Variants in MXRA7 observed in about 807,000 individuals in gnomAD.
MXRA7 encodes matrix remodeling associated 7, also known as matrix-remodeling-associated protein 7.
MXRA7 carries 18 observed loss-of-function variants against 17.4 expected under a neutral mutation model. The ratio of observed to expected loss-of-function variants is 1.03; its 90% CI spans 0.71 to 1.53. The LOEUF is 1.53. MXRA7 is among the 40% of genes most tolerant of loss of function. MXRA7 has a pLI of 0.00. For synonymous variants in MXRA7, 70 were observed against 101.7 expected, an observed-to-expected ratio of 0.69 and a Z score of 1.87; for missense variants, 141 against 209.3, an observed-to-expected ratio of 0.67 and a Z score of 2.01.
downstream of MXRA7, chr17:76,677,651 CTTG>C (rs1317478485): frequency 1.2e-6 from 2 of 1,613,950 alleles, no homozygotes; most frequent in South Asian, 1.1e-5. Flanking sequence ...CAAACGTCTC[CTTG>C]TTGTCTTTCA....
chr17:76,682,624 C>T (rs954900784), intron 3 of MXRA7, among the ~76,000 whole-genome samples: 3 of 152,026 alleles, frequency 2.0e-5, no homozygotes, highest in African/African-American at 2.4e-5. Context: ...TGTGGAGCCG[C>T]GGAGACCCCA....
At position 76,681,600 on chromosome 17, in the gene MXRA7, T is replaced by C. The variant is rs1358867061; in HGVS notation, c.501-721A>G. Among the ~76,000 whole-genome samples the C allele has an allele frequency of 6.6e-6, 1 of 152,172 alleles. No individual in the cohort carries two copies. The highest frequency in any genetic ancestry group is 1.5e-5 in the Non-Finnish European group (1 of 68,026). On this transcript the variant is annotated intron_variant, in intron 3 of 3. Transcript: ENST00000449428. This position sits in a 1 kb window ranked among gnomAD's most constrained non-coding sequence, Gnocchi z 4.7. ...ACACTAGCACCTTCCTCTAGAGTCATGTCCATTTCCAGAGGAGTCAAGACA... is the reference window on the plus strand; with the variant it reads ...ACACTAGCACCTTCCTCTAGAGTCACGTCCATTTCCAGAGGAGTCAAGACA...
chr17:76,706,681 T>G (rs2076665572), intron 1 of MXRA7, among the ~76,000 whole-genome samples: 1 of 135,188 alleles, frequency 7.4e-6, no homozygotes, highest in South Asian at 2.3e-4. Context: ...CCAAGTCACA[T>G]GGTTAAGACA....
At chr17:76,694,298 A>C (rs2076509483) in intron 1 of MXRA7, among the ~76,000 whole-genome samples, 1 of 152,066 alleles carries the variant, frequency 6.6e-6, no homozygotes, top group Non-Finnish European at 1.5e-5. Flanking sequence ...CAGCCCCTGG[A>C]CCACGGTGTC....
At position 76,685,070 on chromosome 17, in the gene MXRA7, A is replaced by C. The variant is rs1382345491; in HGVS notation, c.500+2T>G. 4 of 1,613,026 alleles carry C rather than the reference A, an allele frequency of 2.5e-6. No homozygotes were observed. The highest frequency in any genetic ancestry group is 3.4e-6 in the Non-Finnish European group (4 of 1,179,362). On this transcript the variant is annotated splice_donor_variant, in intron 3 of 3. Coordinates refer to ENST00000449428, the MANE Select transcript of MXRA7 (RefSeq NM_198530.4). LOFTEE classifies it high-confidence loss of function. ...GGCGCCAGCGAAGGGGCTGCAGCCT[A>C]CCTCTGCTCCTCCTCCAGCTCCTCT...
intron 1 of MXRA7, among the ~76,000 whole-genome samples, chr17:76,695,121 T>C (rs560801238): frequency 6.6e-6 from 1 of 152,100 alleles, no homozygotes; most frequent in African/African-American, 2.4e-5. Context: ...GATCAAGCCA[T>C]TGCACTCCAG....
intron 2 of MXRA7, 118 bp downstream of exon 2, chr17:76,687,995 A>C (rs764761796): frequency 3.0e-5 from 29 of 968,134 alleles, no homozygotes; most frequent in South Asian, 2.1e-4. Flanking sequence ...CACTCAGGCC[A>C]CTGTCCCACC....
intron 1 of MXRA7, chr17:76,709,773 T>G (rs2076699859): frequency 6.6e-6 from 1 of 152,484 alleles, no homozygotes; most frequent in Admixed American, 6.5e-5. Flanking sequence ...GTGTAGGGGC[T>G]GGGATGAGTG....
intron 1 of MXRA7, among the ~76,000 whole-genome samples, chr17:76,705,595 C>A (rs753125655): frequency 9.2e-5 from 14 of 152,072 alleles, no homozygotes; most frequent in Non-Finnish European, 1.5e-4. Flanking sequence ...AGGTGGGGGT[C>A]TTTGGGAGGT....
rs569447809 is a variant in MXRA7, at chr17:76,681,993, G to A, written c.501-1114C>T. On this transcript the variant is annotated intron_variant, in intron 3 of 3. Transcript: ENST00000449428. This position sits in a 1 kb window ranked among gnomAD's most constrained non-coding sequence, Gnocchi z 4.7. ...GGCCCGAGGGGAGAGCTGAGGAGGC[G>A]GGCAGACAGTGGCAAGCAGGATCTT... 9.2e-4 allele frequency among the ~76,000 whole-genome samples: 140 copies of A among 152,320 alleles called. 4 individuals carry two copies. In the South Asian group the frequency reaches 0.029, roughly 31 times the overall value.
intron 1 of MXRA7, among the ~76,000 whole-genome samples, chr17:76,705,894 A>G (rs2076649182): frequency 6.6e-6 from 1 of 152,246 alleles, no homozygotes; most frequent in Non-Finnish European, 1.5e-5. Context: ...CTAAAGTGAT[A>G]TAAACAACTG....
chr17:76,697,637 C>A (rs1191414625), intron 1 of MXRA7, among the ~76,000 whole-genome samples: 1 of 152,298 alleles, frequency 6.6e-6, no homozygotes, highest in South Asian at 2.1e-4. Flanking sequence ...TCTAATTCAG[C>A]TTTTCCCTCC....
chr17:76,697,994 G>A (rs1416409529), intron 1 of MXRA7, among the ~76,000 whole-genome samples: 2 of 152,264 alleles, frequency 1.3e-5, no homozygotes, highest in Admixed American at 6.5e-5. Flanking sequence ...ACAGATTTCT[G>A]CCTGCGTGTC....
rs1249467688 is a variant in MXRA7, at chr17:76,710,930, T to C, written c.17A>G (p.Glu6Gly). ...CAGCGCAGGCAGCGCGGCCAGTAGC[T>C]CGGCCGGCGCCTCCATCGCGCCGCG... The part of the protein sequence containing the change: MEAPA[E>G]LLAALPALAT... Residue 6 changes from glutamate (E) to glycine (G), a missense_variant, in exon 1 of 4, where the codon GAG becomes GGG. Around this residue, in one of 3 missense-constraint regions of MXRA7, gnomAD observed 72 missense variants for 111.9 expected, o/e 0.64. Coordinates refer to ENST00000449428, the MANE Select transcript of MXRA7 (RefSeq NM_198530.4). The C allele has an allele frequency of 1.2e-5, 12 of 997,354 alleles. No homozygotes were observed. The South Asian group carries it at 3.9e-4, about 32-fold the overall frequency. The allele number at this position is 997,354 out of a possible 1,614,324, so 61.8% of individuals were successfully genotyped here.
Position 76,688,800 on chromosome 17 carries a change from C to T in MXRA7, c.343-624G>A, listed in dbSNP as rs953089323. On this transcript the variant is annotated intron_variant, in intron 1 of 3. Transcript: ENST00000449428. ...ATGTCAGAGGATGAGAGCGACGTGC[C>T]GTGCCCATGGGCTCTGTGGGATTGA... 33 of 666,618 alleles carry T rather than the reference C, an allele frequency of 5.0e-5. No individual in the cohort carries two copies. The East Asian group carries it at 5.5e-4, about 11-fold the overall frequency. 41.3% of individuals were successfully genotyped at this position (666,618 alleles called of 1,614,324 possible).
Position 76,680,451 on chromosome 17 carries a change from T to G in MXRA7, c.*416A>C. On this transcript the variant is annotated 3_prime_UTR_variant, in exon 4 of 4. Transcript: ENST00000449428. ...CATTTGTCTCTCATTCCTCAAAGTC[T>G]TCTGTGGTTTGGCTTCAGTGAGGGC... 3 of 990,548 alleles carry G rather than the reference T, an allele frequency of 3.0e-6. No homozygotes were observed. Among genetic ancestry groups the G allele is most frequent in the Non-Finnish European group, 3.6e-6 (3 of 833,386 alleles). 61.4% of individuals were successfully genotyped at this position (990,548 alleles called of 1,614,324 possible).
intron 3 of MXRA7, among the ~76,000 whole-genome samples, chr17:76,682,034 C>T (rs1442995499): frequency 2.0e-4 from 31 of 152,222 alleles, no homozygotes; most frequent in Admixed American, 2.0e-3. Context: ...GCAGCTGCCT[C>T]TGGATTTACA....
chr17:76,688,380 T>C (rs1489961727), intron 1 of MXRA7: 16 of 1,433,662 alleles, frequency 1.1e-5, no homozygotes, highest in Non-Finnish European at 1.2e-5. Context: ...GGCTCACAAA[T>C]GCTGAGCTGA....
intron 3 of MXRA7, among the ~76,000 whole-genome samples, chr17:76,682,597 G>A (rs931105645): frequency 5.9e-5 from 9 of 152,078 alleles, no homozygotes; most frequent in Non-Finnish European, 1.3e-4. Flanking sequence ...AAGCATCACC[G>A]TGTGAGGACA....
Sources: gnomAD v4.1 joint callset for allele counts (sites outside exome capture counted in the v4.1 genomes callset) on GRCh38, gnomAD v4.1.1 for gene constraint, gnomAD v4.1.1 regional missense constraint, Gnocchi (gnomAD v3.1) non-coding constraint, MANE v1.5 for transcripts, NCBI Gene and HGNC (gene_info 2026-07-23, HGNC 2026-07-21) for gene names.